Variants in PID1 observed in about 807,000 individuals in gnomAD.
PID1 encodes phosphotyrosine interaction domain containing 1.
Under a neutral mutation model 19.1 loss-of-function variants are expected in PID1, and 10 were observed. That is an observed-to-expected ratio of 0.52 (90% CI 0.32 to 0.89). PID1 has a LOEUF of 0.89. PID1 is among the 40% of genes least tolerant of loss of function. The pLI is 0.03. For synonymous variants in PID1, 130 were observed against 116.0 expected, an observed-to-expected ratio of 1.12 and a Z score of -0.78; for missense variants, 248 against 285.3, an observed-to-expected ratio of 0.87 and a Z score of 0.94.
At chr2:229,239,475 T>C (rs1447584233) in intron 1 of PID1, among the ~76,000 whole-genome samples, 1 of 152,080 alleles carries the variant, frequency 6.6e-6, no homozygotes, top group African/African-American at 2.4e-5. Context: ...TCAACACTAA[T>C]GCGGTGGGAG....
intron 2 of PID1, among the ~76,000 whole-genome samples, chr2:229,118,391 G>T (rs187714766): frequency 1.1e-3 from 166 of 152,192 alleles, no homozygotes; most frequent in African/African-American, 3.9e-3. Context: ...TGCTATTCAC[G>T]TGCCTATATG....
intron 1 of PID1, among the ~76,000 whole-genome samples, chr2:229,188,521 T>C (rs910744248): frequency 6.6e-6 from 1 of 152,072 alleles, no homozygotes; most frequent in African/African-American, 2.4e-5. Context: ...GTGGATCACC[T>C]GAGGTCAGGA....
At chr2:229,238,452 G>C (rs929077800) in intron 1 of PID1, among the ~76,000 whole-genome samples, 1 of 152,136 alleles carries the variant, frequency 6.6e-6, no homozygotes, top group African/African-American at 2.4e-5. Flanking sequence ...AGAAACTTTT[G>C]AAAGAAAAGA....
intron 2 of PID1, among the ~76,000 whole-genome samples, chr2:229,047,246 T>C (rs6436828): frequency 0.52 from 79,431 of 152,022 alleles, 21,519 homozygotes; most frequent in East Asian, 0.67. Context: ...GAATCAACCC[T>C]GGAAAGGGCT....
chr2:229,068,937 T>C (rs1475475623), intron 2 of PID1, among the ~76,000 whole-genome samples: 2 of 152,108 alleles, frequency 1.3e-5, no homozygotes, highest in African/African-American at 4.8e-5. Context: ...AGGCAGTCCT[T>C]TGCCCAATCC....
At chr2:229,036,002 T>G in intron 2 of PID1, among the ~76,000 whole-genome samples, 1 of 152,190 alleles carries the variant, frequency 6.6e-6, no homozygotes, top group South Asian at 2.1e-4. Flanking sequence ...CCTAAAGAAC[T>G]CTGAAATGGT....
intron 1 of PID1, among the ~76,000 whole-genome samples, chr2:229,164,454 A>T (rs544742640): frequency 1.3e-5 from 2 of 152,210 alleles, no homozygotes; most frequent in Non-Finnish European, 2.9e-5. Flanking sequence ...ATTGCACTCA[A>T]TGAGGATGGG....
At chr2:229,269,473 G>C (rs1002775645) in intron 1 of PID1, among the ~76,000 whole-genome samples, 1 of 152,186 alleles carries the variant, frequency 6.6e-6, no homozygotes, top group Admixed American at 6.5e-5. Flanking sequence ...CTCTTCAGAG[G>C]TACAGATCAT....
At chr2:229,074,948 G>T (rs1694528312) in intron 2 of PID1, among the ~76,000 whole-genome samples, 1 of 152,150 alleles carries the variant, frequency 6.6e-6, no homozygotes, top group Non-Finnish European at 1.5e-5. Context: ...TTGTAGTTAT[G>T]TAATATACAG....
Position 229,262,584 on chromosome 2 carries a change from G to A in PID1, c.30+8430C>T, listed in dbSNP as rs1455898277. On this transcript the variant is annotated intron_variant, in intron 1 of 2. Coordinates refer to ENST00000392055, the MANE Select transcript of PID1 (RefSeq NM_001100818.2). The stretch of plus-strand genomic sequence containing the variant: ...AAGTAGAGTGACCAAACATAGTCAA[G>A]AGGCTATATGGTTTCACTGGTGTAG... The A allele has an allele frequency of 1.2e-5, 18 of 1,450,402 alleles. No homozygotes were observed. In the East Asian group the frequency reaches 1.5e-4, roughly 12 times the overall value. 89.8% of individuals were successfully genotyped at this position (1,450,402 alleles called of 1,614,324 possible). A position where few individuals can be genotyped will look rare whatever the true frequency, so the allele number is the denominator to read the frequency against.
intron 1 of PID1, among the ~76,000 whole-genome samples, chr2:229,240,385 T>C (rs55873131): frequency 0.14 from 21,447 of 152,070 alleles, 1,710 homozygotes; most frequent in South Asian, 0.19. Flanking sequence ...AGTCATACAG[T>C]ACAGAAATCT....
intron 2 of PID1, among the ~76,000 whole-genome samples, chr2:229,078,120 C>G (rs1054471935): frequency 6.6e-6 from 1 of 152,080 alleles, no homozygotes; most frequent in Non-Finnish European, 1.5e-5. Flanking sequence ...CCTTCACATC[C>G]CTTGTAAGTT....
chr2:229,153,095 A>G (rs888005602), intron 2 of PID1, among the ~76,000 whole-genome samples: 2 of 152,316 alleles, frequency 1.3e-5, no homozygotes, highest in African/African-American at 4.8e-5. Flanking sequence ...CTTGAAGATG[A>G]TCAGAAAAAA....
At chr2:229,131,027 A>G (rs1689727906) in intron 2 of PID1, among the ~76,000 whole-genome samples, 1 of 152,144 alleles carries the variant, frequency 6.6e-6, no homozygotes, top group South Asian at 2.1e-4. Flanking sequence ...TATCGGATCA[A>G]GGTCGCTCCC....
chr2:229,262,722 G>A (rs748477609), intron 1 of PID1: 137 of 1,551,404 alleles, frequency 8.8e-5, no homozygotes, highest in Non-Finnish European at 1.2e-4. Context: ...AAGGTTGGCA[G>A]GGCCACACAC....
chr2:229,103,621 A>G (rs2106230485), intron 2 of PID1, among the ~76,000 whole-genome samples: 1 of 129,330 alleles, frequency 7.7e-6, no homozygotes, highest in African/African-American at 3.0e-5. Context: ...TCTGTCACCC[A>G]GGCTGGAGTG....
At chr2:229,058,459 G>A (rs567442441) in intron 2 of PID1, among the ~76,000 whole-genome samples, 5 of 152,216 alleles carry the variant, frequency 3.3e-5, no homozygotes, top group Admixed American at 2.6e-4. Context: ...ATTCTCTTCC[G>A]GCTACATGAA....
intron 1 of PID1, among the ~76,000 whole-genome samples, chr2:229,239,877 G>A (rs749589125): frequency 2.6e-5 from 4 of 152,086 alleles, no homozygotes; most frequent in South Asian, 4.1e-4. Flanking sequence ...AGACAGAGGC[G>A]TAAAAGATAA....
At chr2:229,054,429 T>G (rs1184440815) in intron 2 of PID1, among the ~76,000 whole-genome samples, 2 of 152,062 alleles carry the variant, frequency 1.3e-5, no homozygotes, top group East Asian at 3.9e-4. Flanking sequence ...TTACACTAGG[T>G]AGAATCTATG....
Sources: gnomAD v4.1 joint callset for allele counts (sites outside exome capture counted in the v4.1 genomes callset) on GRCh38, gnomAD v4.1.1 for gene constraint, MANE v1.5 for transcripts, NCBI Gene and HGNC (gene_info 2026-07-23, HGNC 2026-07-21) for gene names.